MAPKAPK5: variants seen among roughly 807,000 people sequenced by gnomAD.
The protein encoded by MAPKAPK5 is MAPK activated protein kinase 5, also known as MAP kinase-activated protein kinase 5.
MAPKAPK5 carries 30 observed loss-of-function variants against 65.1 expected under a neutral mutation model. That is an observed-to-expected ratio of 0.46 (90% confidence interval 0.34 to 0.63). MAPKAPK5 has a LOEUF of 0.63. Among genes scored for constraint, MAPKAPK5 ranks in the 20% least tolerant of loss-of-function variants. MAPKAPK5 has a pLI of 0.01. For missense variants in MAPKAPK5, 433 were observed against 581.4 expected (o/e 0.74, Z 2.63); for synonymous variants, 179 against 204.6 (o/e 0.87, Z 1.07).
chr12:111,878,465 A>G (rs1055568511), intron 7 of MAPKAPK5, among the ~76,000 whole-genome samples: 1 of 151,944 alleles, frequency 6.6e-6, no homozygotes, highest in African/African-American at 2.4e-5. Context: ...TCTGTTGCCA[A>G]GTTGGAGTGC....
chr12:111,899,655 G>A lies in MAPKAPK5; in HGVS notation c.*6594G>A, dbSNP rs1332652251. 6.8e-6 allele frequency: 2 copies of A among 295,586 alleles called. No individual in the cohort carries two copies. Among genetic ancestry groups the A allele is most frequent in the Non-Finnish European group, 6.8e-6 (1 of 146,892 alleles). 18.3% of individuals were successfully genotyped at this position (295,586 alleles called of 1,614,324 possible). ...CTTTCCAGTCTACAGTTACCACAAT[G>A]GCCTCCTGGGGCAAGAATCGCCTTT... is the stretch of plus-strand genomic sequence containing the variant. On this transcript the variant is annotated 3_prime_UTR_variant, in exon 14 of 14. Transcript: ENST00000550735.
At position 111,899,082 on chromosome 12, in the gene MAPKAPK5, G is replaced by C. The variant is rs1238183537; in HGVS notation, c.*6021G>C. On this transcript the variant is annotated 3_prime_UTR_variant, in exon 14 of 14. Transcript: ENST00000550735. The stretch of plus-strand genomic sequence containing the variant: ...CTAAAGAAACTGCCGAAGGCCAGGA[G>C]AGAAGCAGGAAGAGAAACACGGCTT... 3 of 152,306 alleles carry C rather than the reference G, an allele frequency of 2.0e-5. No individual in the cohort carries two copies. Among genetic ancestry groups the C allele is most frequent in the African/African-American group, 7.2e-5 (3 of 41,454 alleles). The allele number at this position is 152,306 out of a possible 1,614,324, so 9.4% of individuals were successfully genotyped here. A position where few individuals can be genotyped will look rare whatever the true frequency, so the allele number is the denominator to read the frequency against.
intron 13 of MAPKAPK5, among the ~76,000 whole-genome samples, chr12:111,892,229 T>C (rs2070640945): frequency 6.6e-6 from 1 of 152,220 alleles, no homozygotes; most frequent in Admixed American, 6.5e-5. Flanking sequence ...TTTCCAGATT[T>C]GGGGAATTAA....
chr12:111,881,774 G>A (rs575332061), intron 8 of MAPKAPK5, among the ~76,000 whole-genome samples: 34 of 152,310 alleles, frequency 2.2e-4, no homozygotes, highest in Non-Finnish European at 3.2e-4. Context: ...CACTGAGTAA[G>A]TAGATCAGAA....
At chr12:111,849,609 T>G (rs2069008133) in intron 1 of MAPKAPK5, among the ~76,000 whole-genome samples, 1 of 152,258 alleles carries the variant, frequency 6.6e-6, no homozygotes, top group Non-Finnish European at 1.5e-5. Context: ...GCTATGTGAT[T>G]GGCAAATATT....
intron 7 of MAPKAPK5, among the ~76,000 whole-genome samples, chr12:111,877,299 G>A (rs2070023793): frequency 6.6e-6 from 1 of 151,440 alleles, no homozygotes; most frequent in Non-Finnish European, 1.5e-5. Flanking sequence ...GATTACAGGT[G>A]TGAGCCACCA....
In MAPKAPK5 at chr12:111,888,944, A is replaced by G. The variant is rs370061191; in HGVS notation, c.1160A>G (p.Asn387Ser). Residue 387 changes from asparagine to serine, a missense_variant, in exon 12 of 14, where the codon AAT becomes AGT. Asn to Ser is a conservative substitution (Grantham distance 46). Around this residue, in one of 3 missense-constraint regions of MAPKAPK5, gnomAD observed 169 missense variants for 215.6 expected, o/e 0.78. Transcript: ENST00000550735. ...CATGAGAATGGAGCCGAGGATTCCA[A>G]TGTTGCCTTGGAAAAACTCCGAGAT... ...HDHENGAEDSNVALEKLRDVI... is the reference protein window; with the variant it reads ...HDHENGAEDSSVALEKLRDVI... 2.2e-5 allele frequency: 35 copies of G among 1,612,044 alleles called. No individual in the cohort carries two copies. The highest frequency in any genetic ancestry group is 7.7e-5 in the South Asian group (7 of 90,560).
chr12:111,881,167 G>T (rs1401885504), intron 8 of MAPKAPK5, among the ~76,000 whole-genome samples: 1 of 151,926 alleles, frequency 6.6e-6, no homozygotes, highest in African/African-American at 2.4e-5. Flanking sequence ...TCCACCTCCT[G>T]TGCTCAAACG....
chr12:111,897,863 T>G lies in MAPKAPK5; in HGVS notation c.*4802T>G, dbSNP rs1179591917. The G allele has an allele frequency of 6.6e-6, 1 of 152,004 alleles. No individual in the cohort carries two copies. The highest frequency in any genetic ancestry group is 2.4e-5 in the African/African-American group (1 of 41,388). The allele number at this position is 152,004 out of a possible 1,614,324, so 9.4% of individuals were successfully genotyped here. Reference sequence around the variant, plus strand: ...ATCTCATATTTGAAAGGTCTCATGTTGTAAATATTTGACTTGCTGTAAAAT... The same window carrying G: ...ATCTCATATTTGAAAGGTCTCATGTGGTAAATATTTGACTTGCTGTAAAAT... On this transcript the variant is annotated 3_prime_UTR_variant, in exon 14 of 14. Coordinates refer to ENST00000550735, the MANE Select transcript of MAPKAPK5 (RefSeq NM_003668.4).
Position 111,895,092 on chromosome 12 carries a change from C to G in MAPKAPK5, c.*2031C>G, listed in dbSNP as rs1444989083. On this transcript the variant is annotated 3_prime_UTR_variant, in exon 14 of 14. Coordinates refer to ENST00000550735, the MANE Select transcript of MAPKAPK5 (RefSeq NM_003668.4). ...AAGAATTACCTTATTACATTGCTTC[C>G]TTTTTTTTTTTTTTTTTTTTTTGAG... is the stretch of plus-strand genomic sequence containing the variant. 1 of 106,404 alleles carries G rather than the reference C, an allele frequency of 9.4e-6. No individual in the cohort carries two copies. The highest frequency in any genetic ancestry group is 1.7e-5 in the Non-Finnish European group (1 of 57,554). The allele number at this position is 106,404 out of a possible 1,614,324, so 6.6% of individuals were successfully genotyped here. A position where few individuals can be genotyped will look rare whatever the true frequency, so the allele number is the denominator to read the frequency against.
chr12:111,873,380 G>A (rs2069847881), intron 7 of MAPKAPK5, among the ~76,000 whole-genome samples: 1 of 151,956 alleles, frequency 6.6e-6, no homozygotes, highest in African/African-American at 2.4e-5. Flanking sequence ...CATTCTTTTT[G>A]CCCAGCCTGG....
chr12:111,847,120 TC>T (rs1373717767), intron 1 of MAPKAPK5, among the ~76,000 whole-genome samples: 1 of 151,754 alleles, frequency 6.6e-6, no homozygotes, highest in African/African-American at 2.4e-5. Flanking sequence ...GGTGGGTAGA[TC>T]ATTTGAGGTC....
chr12:111,881,865 C>T (rs1052707485), intron 8 of MAPKAPK5, among the ~76,000 whole-genome samples: 2 of 152,186 alleles, frequency 1.3e-5, no homozygotes, highest in African/African-American at 2.4e-5. Flanking sequence ...TAGGCTGGGA[C>T]ACTTGCTGTG....
intron 1 of MAPKAPK5, among the ~76,000 whole-genome samples, chr12:111,859,180 GT>G (rs1267359458): frequency 6.8e-6 from 1 of 147,994 alleles, no homozygotes; most frequent in Non-Finnish European, 1.5e-5. Context: ...TGGATTCTGA[GT>G]TTTCCCCCCT....
chr12:111,850,026 GAA>G (rs2136069950), intron 1 of MAPKAPK5, among the ~76,000 whole-genome samples: 1 of 143,764 alleles, frequency 7.0e-6, no homozygotes, highest in Non-Finnish European at 1.5e-5. Context: ...GACTGGTTGT[GAA>G]ATATCCTTTT....
intron 1 of MAPKAPK5, among the ~76,000 whole-genome samples, chr12:111,857,453 A>G (rs945457314): frequency 2.0e-5 from 3 of 152,130 alleles, no homozygotes; most frequent in African/African-American, 2.4e-5. Flanking sequence ...AGGTTTCGCC[A>G]TGTTGGCCAG....
Position 111,893,039 on chromosome 12 carries a change from C to T in MAPKAPK5, c.1394C>T (p.Thr465Ile), listed in dbSNP as rs1231966751. 1.9e-6 allele frequency: 3 copies of T among 1,577,738 alleles called. No individual in the cohort carries two copies. Among genetic ancestry groups the T allele is most frequent in the African/African-American group, 1.4e-5 (1 of 74,050 alleles). ...GTGAAGCAGGTGATAGAAGAGCAAA[C>T]CACGTCCCACGAATCCCAATAATGA... ...EIVKQVIEEQ[T>I]TSHESQ The change falls in exon 14 of 14, where the codon ACC (threonine) becomes ATC (isoleucine). Residue 465 changes from threonine to isoleucine, a missense_variant. By Grantham distance (89) the Thr-to-Ile change is moderately conservative. This residue lies in a region of MAPKAPK5 where 169 missense variants were observed against 215.6 expected (regional missense o/e 0.78). Transcript: ENST00000550735.
intron 1 of MAPKAPK5, among the ~76,000 whole-genome samples, chr12:111,845,007 A>G (rs1650554929): frequency 6.6e-6 from 1 of 152,216 alleles, no homozygotes; most frequent in African/African-American, 2.4e-5. Context: ...TAAAAGGGGA[A>G]CTATAGGAGA....
At chr12:111,880,633 A>C (rs1286442214) in intron 8 of MAPKAPK5, 106 bp downstream of exon 8, 7 of 922,134 alleles carry the variant, frequency 7.6e-6, no homozygotes, top group Non-Finnish European at 1.2e-5. Context: ...TCACCCCTTA[A>C]TATTCCTGCC....
Sources: allele counts gnomAD v4.1 joint callset (sites outside exome capture counted in the v4.1 genomes callset), GRCh38; gene constraint gnomAD v4.1.1; regional missense constraint gnomAD v4.1.1; transcripts MANE v1.5; gene names NCBI Gene and HGNC (gene_info 2026-07-23, HGNC 2026-07-21).